The following DLG1 variants were observed in gnomAD, a reference collection of about 807,000 sequenced individuals.
The protein encoded by DLG1 is disks large homolog 1.
Under a neutral mutation model 123.4 loss-of-function variants are expected in DLG1, and 42 were observed. The ratio of observed to expected loss-of-function variants is 0.34; its 90% CI spans 0.27 to 0.44. The LOEUF is 0.44. Ranked by LOEUF, DLG1 falls within the 20% of genes least tolerant of loss-of-function variation. The probability of loss-of-function intolerance (pLI) is 1.00; values close to 1 mark genes in which losing one functional copy is unlikely to be tolerated. For synonymous variants in DLG1, 317 were observed against 356.2 expected, an observed-to-expected ratio of 0.89 and a Z score of 1.24; for missense variants, 942 against 1,082.6, an observed-to-expected ratio of 0.87 and a Z score of 1.82.
intron 4 of DLG1, among the ~76,000 whole-genome samples, chr3:197,255,408 T>C (rs1756382853): frequency 1.3e-5 from 2 of 152,158 alleles, no homozygotes; most frequent in Admixed American, 1.3e-4. Flanking sequence ...TAGGTGAACT[T>C]ATAAAGTAAG....
chr3:197,239,510 A>T (rs1747752915), intron 4 of DLG1, among the ~76,000 whole-genome samples: 1 of 152,190 alleles, frequency 6.6e-6, no homozygotes, highest in African/African-American at 2.4e-5. Flanking sequence ...CCAAGGCCAA[A>T]GATAGTACTA....
intron 4 of DLG1, among the ~76,000 whole-genome samples, chr3:197,251,484 G>A (rs549930854): frequency 2.0e-5 from 3 of 152,226 alleles, no homozygotes; most frequent in African/African-American, 7.2e-5. Flanking sequence ...ATAAATTCAT[G>A]CATTTATAGC....
chr3:197,069,658 C>T (rs1317340861), intron 18 of DLG1: 1 of 154,096 alleles, frequency 6.5e-6, no homozygotes, highest in East Asian at 1.9e-4. Flanking sequence ...CAAATAGATG[C>T]CCATTTTAAT....
chr3:197,297,942 G>A lies in DLG1; in HGVS notation c.-32+594C>T, dbSNP rs1226942559. ...GAGCGGAGGGGGCGAAGGGACGGGGGAGGAGCTCCCCTGGGCCGCCGCACC... is the reference window on the plus strand; with the variant it reads ...GAGCGGAGGGGGCGAAGGGACGGGGAAGGAGCTCCCCTGGGCCGCCGCACC... On this transcript the variant is annotated intron_variant, in intron 1 of 24. Coordinates refer to ENST00000667157, the MANE Select transcript of DLG1 (RefSeq NM_001366207.1). 1.8e-5 allele frequency: 18 copies of A among 982,796 alleles called. No individual in the cohort carries two copies. The East Asian group carries it at 1.9e-3, about 106-fold the overall frequency. 60.9% of individuals were successfully genotyped at this position (982,796 alleles called of 1,614,324 possible).
At chr3:197,066,014 A>G (rs997216217) in intron 20 of DLG1, among the ~76,000 whole-genome samples, 1 of 152,210 alleles carries the variant, frequency 6.6e-6, no homozygotes, top group African/African-American at 2.4e-5. Flanking sequence ...GTCTTCTGCT[A>G]GAAGTCATAT....
intron 3 of DLG1, among the ~76,000 whole-genome samples, chr3:197,283,635 G>T (rs1238512419): frequency 2.0e-5 from 3 of 152,018 alleles, no homozygotes; most frequent in Non-Finnish European, 4.4e-5. Context: ...GTTATATAAC[G>T]CTTAGATTCA....
intron 19 of DLG1, chr3:197,068,399 A>T: frequency 2.6e-6 from 2 of 772,516 alleles, no homozygotes; most frequent in Non-Finnish European, 4.1e-6. Flanking sequence ...AAAAATCATT[A>T]AGTAACTATT....
intron 12 of DLG1, among the ~76,000 whole-genome samples, chr3:197,117,860 A>G (rs551372827): frequency 6.6e-6 from 1 of 152,356 alleles, no homozygotes; most frequent in East Asian, 1.9e-4. Context: ...AAACTGATGT[A>G]ATATACCACA....
chr3:197,258,038 A>G (rs1267361606), intron 4 of DLG1, among the ~76,000 whole-genome samples: 2 of 152,238 alleles, frequency 1.3e-5, no homozygotes, highest in Non-Finnish European at 2.9e-5. Context: ...AACCAAGCTG[A>G]TTAAAGTACA....
At chr3:197,146,544 T>C (rs1193592757) in intron 6 of DLG1, among the ~76,000 whole-genome samples, 3 of 151,918 alleles carry the variant, frequency 2.0e-5, no homozygotes, top group African/African-American at 7.3e-5. Context: ...AAACATAAAG[T>C]GGGGAAAGGA....
At chr3:197,190,160 T>C (rs1342230732) in intron 5 of DLG1, among the ~76,000 whole-genome samples, 1 of 152,194 alleles carries the variant, frequency 6.6e-6, no homozygotes, top group Admixed American at 6.5e-5. Flanking sequence ...AATCTTAAAG[T>C]ATGAATGCTT....
chr3:197,106,069 T>C (rs977791572), intron 13 of DLG1, among the ~76,000 whole-genome samples: 1 of 152,214 alleles, frequency 6.6e-6, no homozygotes, highest in African/African-American at 2.4e-5. Flanking sequence ...TCTGATGTTT[T>C]ATATTATCTA....
At chr3:197,223,300 G>C (rs1044009773) in intron 4 of DLG1, among the ~76,000 whole-genome samples, 4 of 151,858 alleles carry the variant, frequency 2.6e-5, no homozygotes, top group Admixed American at 2.6e-4. Flanking sequence ...TTATACACAC[G>C]CATGCACACT....
At chr3:197,062,827 T>C (rs1227737687) in intron 22 of DLG1, among the ~76,000 whole-genome samples, 1 of 152,218 alleles carries the variant, frequency 6.6e-6, no homozygotes, top group Non-Finnish European at 1.5e-5. Context: ...AATACACATC[T>C]ATTTCTATAT....
chr3:197,194,594 A>T lies in DLG1; in HGVS notation c.319-5T>A, dbSNP rs367979676. On this transcript the variant is annotated splice_region_variant and splice_polypyrimidine_tract_variant and intron_variant, in intron 4 of 24. Coordinates refer to ENST00000667157, the MANE Select transcript of DLG1 (RefSeq NM_001366207.1). ...TTCATCCTGATACCTGTATTTCTGT[A>T]AAGAAAATAAACATGAAGAAGCCCT... 2.5e-6 allele frequency: 4 copies of T among 1,574,180 alleles called. No homozygotes were observed. The highest frequency in any genetic ancestry group is 1.4e-5 in the African/African-American group (1 of 72,496).
intron 23 of DLG1, among the ~76,000 whole-genome samples, chr3:197,052,029 T>TG (rs1284556485): frequency 1.3e-5 from 2 of 151,934 alleles, no homozygotes; most frequent in Non-Finnish European, 2.9e-5. Context: ...TTAGTAGAGA[T>TG]GGGGTTTCAC....
chr3:197,076,085 G>T (rs1366590635), intron 18 of DLG1, among the ~76,000 whole-genome samples: 1 of 152,104 alleles, frequency 6.6e-6, no homozygotes, highest in Admixed American at 6.5e-5. Context: ...TAGCATGAAG[G>T]CTGATTCAGG....
intron 14 of DLG1, among the ~76,000 whole-genome samples, chr3:197,094,876 T>C (rs973401372): frequency 6.6e-6 from 1 of 152,194 alleles, no homozygotes; most frequent in Non-Finnish European, 1.5e-5. Flanking sequence ...TTTCTTTCTT[T>C]TTCTGCTGGG....
intron 11 of DLG1, among the ~76,000 whole-genome samples, chr3:197,126,174 G>C (rs1329958165): frequency 6.6e-6 from 1 of 151,978 alleles, no homozygotes; most frequent in Non-Finnish European, 1.5e-5. Flanking sequence ...ATAACAGATG[G>C]GGGAAAAAGT....
Sources: gnomAD v4.1 joint callset for allele counts (sites outside exome capture counted in the v4.1 genomes callset) on GRCh38, gnomAD v4.1.1 for gene constraint, MANE v1.5 for transcripts, NCBI Gene and HGNC (gene_info 2026-07-23, HGNC 2026-07-21) for gene names.